Variants in ARSG observed in about 807,000 individuals in gnomAD.
The protein encoded by ARSG is arylsulfatase G.
Under a neutral mutation model 50.5 loss-of-function variants are expected in ARSG, and 37 were observed. The observed-to-expected ratio is 0.73, with a 90% confidence interval of 0.56 to 0.96. ARSG has a LOEUF of 0.96. Among genes scored for constraint, ARSG ranks in the 50% least tolerant of loss-of-function variants. The pLI is 0.00. For synonymous variants in ARSG, 225 were observed against 254.6 expected (o/e 0.88, Z 1.11); for missense variants, 629 against 675.3 (o/e 0.93, Z 0.76).
At chr17:68,313,411 T>G (rs2076941833) in intron 2 of ARSG, among the ~76,000 whole-genome samples, 1 of 152,196 alleles carries the variant, frequency 6.6e-6, no homozygotes, top group East Asian at 1.9e-4. Flanking sequence ...CTGGAATCCT[T>G]GGCATTCTGG....
Position 68,420,547 on chromosome 17 carries a change from A to G in ARSG, c.*84A>G. The G allele has an allele frequency of 6.9e-7, 1 of 1,452,594 alleles. No individual in the cohort carries two copies. Among genetic ancestry groups the G allele is most frequent in the Non-Finnish European group, 9.5e-7 (1 of 1,053,810 alleles). 90.0% of individuals were successfully genotyped at this position (1,452,594 alleles called of 1,614,324 possible). ...AATTTCATTTTTACCCTCTTTACAA[A>G]CACACGCTTTAGTTTAGTCTTGGAG... is the stretch of plus-strand genomic sequence containing the variant. On this transcript the variant is annotated 3_prime_UTR_variant, in exon 12 of 12. Transcript: ENST00000621439.
chr17:68,429,684 G>T, the ARSG span, among the ~76,000 whole-genome samples: 1 of 152,094 alleles, frequency 6.6e-6, no homozygotes, highest in Non-Finnish European at 1.5e-5. Context: ...CGCCTCCTGG[G>T]TTCAAGCGAT....
At chr17:68,374,785 G>C (rs2080062113) in intron 8 of ARSG, among the ~76,000 whole-genome samples, 2 of 150,862 alleles carry the variant, frequency 1.3e-5, no homozygotes, top group Admixed American at 1.3e-4. Flanking sequence ...CTGGGAGGTG[G>C]AGGAGGTTGC....
Position 68,271,893 on chromosome 17 carries a change from C to T in ARSG, c.-552+12467C>T, listed in dbSNP as rs1555749027. ...TCTCAGCTCACCGCAACCTCCACCTCCCGGGTTCAAGCGATTCTCCTGCCT... is the reference window on the plus strand; with the variant it reads ...TCTCAGCTCACCGCAACCTCCACCTTCCGGGTTCAAGCGATTCTCCTGCCT... On this transcript the variant is annotated intron_variant, in intron 1 of 11. Coordinates refer to the ARSG transcript ENST00000448504. The surrounding 1 kb of genome is among the most constrained non-coding windows in gnomAD (Gnocchi z 5.3). Among the ~76,000 whole-genome samples the T allele has an allele frequency of 6.6e-6, 1 of 152,200 alleles. No individual in the cohort carries two copies. The highest frequency in any genetic ancestry group is 1.5e-5 in the Non-Finnish European group (1 of 68,028).
chr17:68,273,128 A>G (rs1294405397), intron 1 of ARSG, among the ~76,000 whole-genome samples: 1 of 152,176 alleles, frequency 6.6e-6, no homozygotes, highest in Non-Finnish European at 1.5e-5. Context: ...TACAGGAAAA[A>G]TTTAAAGTCT....
chr17:68,398,692 A>T (rs1037271995), intron 10 of ARSG, among the ~76,000 whole-genome samples: 7 of 152,216 alleles, frequency 4.6e-5, no homozygotes, highest in Non-Finnish European at 8.8e-5. Context: ...GGAGAGGAGC[A>T]AGAGAGTTGA....
At chr17:68,393,269 T>C (rs762553873) in intron 9 of ARSG, among the ~76,000 whole-genome samples, 3 of 152,186 alleles carry the variant, frequency 2.0e-5, no homozygotes, top group Non-Finnish European at 2.9e-5. Flanking sequence ...AAGTTTTAAA[T>C]TGTGCACATT....
At chr17:68,368,299 G>A (rs1157017023) in intron 6 of ARSG, among the ~76,000 whole-genome samples, 2 of 152,208 alleles carry the variant, frequency 1.3e-5, no homozygotes, top group Non-Finnish European at 2.9e-5. Flanking sequence ...CCTAGACAAT[G>A]TGATTCCCAT....
the ARSG span, chr17:68,434,733 G>A: frequency 9.1e-7 from 1 of 1,101,554 alleles, no homozygotes; most frequent in Non-Finnish European, 1.3e-6. Context: ...TGTCTCTGAG[G>A]AGGAAGAACA....
At chr17:68,307,832 T>C in intron 2 of ARSG, 121 bp downstream of exon 2, 1 of 626,886 alleles carries the variant, frequency 1.6e-6, no homozygotes, top group South Asian at 2.2e-5. Context: ...TTTAGTTAAT[T>C]TATTAATTAA....
intron 2 of ARSG, among the ~76,000 whole-genome samples, chr17:68,324,425 A>T (rs1044300590): frequency 7.2e-5 from 11 of 152,144 alleles, no homozygotes; most frequent in African/African-American, 2.7e-4. Context: ...GGCTCCTGTA[A>T]CACGATGACC....
At chr17:68,276,158 A>G (rs938658223) in intron 1 of ARSG, among the ~76,000 whole-genome samples, 1 of 150,940 alleles carries the variant, frequency 6.6e-6, no homozygotes, top group Non-Finnish European at 1.5e-5. Context: ...CAGTGGCACA[A>G]TCTCAGCTCA....
In ARSG at chr17:68,381,763, G is replaced by C. The variant is rs2080443797; in HGVS notation, c.983-3301G>C. 6.6e-6 allele frequency among the ~76,000 whole-genome samples: 1 copy of C among 152,124 alleles called. No homozygotes were observed. Among genetic ancestry groups the C allele is most frequent in the African/African-American group, 2.4e-5 (1 of 41,416 alleles). ...CCCCAGGAGGGTTTTAGAAGATATT[G>C]ATGTCAGAGCTTCACTGCAGGTCGA... On this transcript the variant is annotated intron_variant, in intron 8 of 11. Coordinates refer to ENST00000621439, the MANE Select transcript of ARSG (RefSeq NM_001267727.2). The surrounding 1 kb of genome is among the most constrained non-coding windows in gnomAD (Gnocchi z 4.1).
intron 1 of ARSG, chr17:68,278,011 A>G (rs1237368398): frequency 1.1e-6 from 1 of 915,780 alleles, no homozygotes; most frequent in Non-Finnish European, 1.7e-6. Context: ...TCACAAACAC[A>G]TCGACTACCA....
chr17:68,390,315 A>G (rs142972817), intron 9 of ARSG, among the ~76,000 whole-genome samples: 1 of 152,256 alleles, frequency 6.6e-6, no homozygotes, highest in African/African-American at 2.4e-5. Context: ...CCCCTTGGAT[A>G]AGAACACAAA....
At chr17:68,275,524 A>C (rs1387499428) in intron 1 of ARSG, among the ~76,000 whole-genome samples, 1 of 152,202 alleles carries the variant, frequency 6.6e-6, no homozygotes, top group African/African-American at 2.4e-5. Flanking sequence ...TAATAGTATT[A>C]AGTGGAAATT....
At chr17:68,430,161 C>T in the ARSG span, 3 of 1,611,550 alleles carry the variant, frequency 1.9e-6, no homozygotes, top group Non-Finnish European at 2.5e-6. Flanking sequence ...TTCTGGTCGA[C>T]TAGGGAGTAA....
At chr17:68,402,231 TTTG>T (rs946788827) in intron 11 of ARSG, among the ~76,000 whole-genome samples, 43 of 151,534 alleles carry the variant, frequency 2.8e-4, no homozygotes, top group African/African-American at 6.1e-4. Context: ...TTTTTTGTTG[TTTG>T]TTGTTGTTGT....
rs2081912041 is a variant in ARSG, at chr17:68,409,620, C to T, written c.1303+8170C>T. On this transcript the variant is annotated intron_variant, in intron 11 of 11. Transcript: ENST00000621439. ...GGCGATGCGGGCTCTTTTTTGGTTC[C>T]ATATGAACTTTAAAGTAGTTTTTTC... 3.3e-5 allele frequency among the ~76,000 whole-genome samples: 5 copies of T among 151,062 alleles called. No individual in the cohort carries two copies. In the South Asian group the frequency reaches 1.0e-3, roughly 32 times the overall value.
Sources: gnomAD v4.1 joint callset for allele counts (sites outside exome capture counted in the v4.1 genomes callset) on GRCh38, gnomAD v4.1.1 for gene constraint, Gnocchi (gnomAD v3.1) non-coding constraint, MANE v1.5 for transcripts, NCBI Gene and HGNC (gene_info 2026-07-23, HGNC 2026-07-21) for gene names.